AGBL3: variants seen among roughly 807,000 people sequenced by gnomAD.
The protein encoded by AGBL3 is AGBL carboxypeptidase 3, also known as cytosolic carboxypeptidase 3.
AGBL3 carries 68 observed loss-of-function variants against 94.5 expected under a neutral mutation model. The observed-to-expected ratio is 0.72, with a 90% confidence interval of 0.59 to 0.88. AGBL3 has a LOEUF of 0.88. AGBL3 is among the 40% of genes least tolerant of loss of function. The pLI is 0.00. For synonymous variants in AGBL3, 354 were observed against 370.7 expected (o/e 0.95, Z 0.52); for missense variants, 934 against 1,103.8 (o/e 0.85, Z 2.18).
At position 135,034,277 on chromosome 7, in the gene AGBL3, C is replaced by T. The variant is rs1171931494; in HGVS notation, c.686C>T (p.Thr229Ile). The T allele has an allele frequency of 6.4e-7, 1 of 1,551,648 alleles. No individual in the cohort carries two copies. Among genetic ancestry groups the T allele is most frequent in the Non-Finnish European group, 8.7e-7 (1 of 1,147,016 alleles). The change falls in exon 7 of 17, where the codon ACC (threonine) becomes ATC (isoleucine). Residue 229 changes from threonine to isoleucine, a missense_variant. This residue lies in a region of AGBL3 where 488 missense variants were observed against 563.6 expected (regional missense o/e 0.87). Transcript: ENST00000436302. ...TACAGATTCACTATTGTCAACTTCA[C>T]CAAACCTGCTAGTCTTTACAGTCGG... ...IVYRFTIVNF[T>I]KPASLYSRGM... is the part of the protein sequence containing the mutation.
intron 8 of AGBL3, among the ~76,000 whole-genome samples, chr7:135,043,579 AG>A (rs1383101654): frequency 6.6e-6 from 1 of 152,134 alleles, no homozygotes; most frequent in African/African-American, 2.4e-5. Context: ...AAAAAGTAAA[AG>A]TATAATTGGG....
intron 16 of AGBL3, chr7:135,128,506 G>A (rs1828272091): frequency 1.3e-6 from 1 of 759,196 alleles, no homozygotes; most frequent in African/African-American, 1.7e-5. Context: ...TTACGATGGA[G>A]ATGAATTTAG....
intron 15 of AGBL3, among the ~76,000 whole-genome samples, chr7:135,107,434 A>G (rs867316852): frequency 1.3e-5 from 2 of 152,342 alleles, no homozygotes; most frequent in Middle Eastern, 3.4e-3. Flanking sequence ...CATTAATTAA[A>G]AAGAGCTTCT....
At position 135,063,994 on chromosome 7, in the gene AGBL3, C is replaced by G. The variant is rs1819061008; in HGVS notation, c.1908+4759C>G. ...TTCTTTCTTCACCTAGACCAGCAGC[C>G]AGCTAGGGCATATTTTGCTCATGGC... is the stretch of plus-strand genomic sequence containing the variant. On this transcript the variant is annotated intron_variant, in intron 12 of 16. Coordinates refer to ENST00000436302, the MANE Select transcript of AGBL3 (RefSeq NM_178563.4). Among the ~76,000 whole-genome samples the G allele has an allele frequency of 2.0e-5, 3 of 152,156 alleles. No individual in the cohort carries two copies. In the South Asian group the frequency reaches 6.2e-4, roughly 32 times the overall value.
At chr7:135,094,757 C>T (rs1183869807) in intron 15 of AGBL3, among the ~76,000 whole-genome samples, 1 of 152,106 alleles carries the variant, frequency 6.6e-6, no homozygotes, top group Non-Finnish European at 1.5e-5. Flanking sequence ...AGAGACCATA[C>T]CACCCAAGAG....
intron 11 of AGBL3, among the ~76,000 whole-genome samples, chr7:135,052,061 G>A (rs572715725): frequency 6.6e-6 from 1 of 151,920 alleles, no homozygotes; most frequent in Non-Finnish European, 1.5e-5. Flanking sequence ...ATATAACAGG[G>A]AACATTCAAA....
chr7:134,987,620 AT>A (rs1163858801), intron 1 of AGBL3, among the ~76,000 whole-genome samples: 1 of 152,188 alleles, frequency 6.6e-6, no homozygotes, highest in Non-Finnish European at 1.5e-5. Context: ...AATGTGAATG[AT>A]TTGGCTGTAT....
chr7:135,111,276 T>TCTTA (rs1825605298), intron 15 of AGBL3, among the ~76,000 whole-genome samples: 1 of 152,194 alleles, frequency 6.6e-6, no homozygotes, highest in African/African-American at 2.4e-5. Context: ...ATTACTGCCG[T>TCTTA]CTTACTCACC....
At chr7:135,132,126 T>G (rs1263498282) in intron 16 of AGBL3, among the ~76,000 whole-genome samples, 1 of 152,200 alleles carries the variant, frequency 6.6e-6, no homozygotes, top group East Asian at 1.9e-4. Flanking sequence ...TCTATACAAT[T>G]TCTTCCAGAA....
At chr7:135,030,949 C>A (rs1815673615) in intron 5 of AGBL3, among the ~76,000 whole-genome samples, 1 of 151,976 alleles carries the variant, frequency 6.6e-6, no homozygotes. Flanking sequence ...ATCTTCAGCC[C>A]ATTTGGTAAA....
intron 15 of AGBL3, among the ~76,000 whole-genome samples, chr7:135,108,196 GCATTTAGCCC>G (rs1390564857): frequency 6.6e-6 from 1 of 152,054 alleles, no homozygotes; most frequent in Non-Finnish European, 1.5e-5. Context: ...TTAAATGGGG[GCATTTAGCCC>G]ATTTACATTC....
At chr7:135,057,107 T>C (rs1818408726) in intron 11 of AGBL3, among the ~76,000 whole-genome samples, 1 of 152,076 alleles carries the variant, frequency 6.6e-6, no homozygotes, top group Admixed American at 6.6e-5. Context: ...ACAAATATAG[T>C]CAATGGTGTT....
chr7:135,131,321 G>C (rs1489631886), intron 16 of AGBL3, among the ~76,000 whole-genome samples: 1 of 151,988 alleles, frequency 6.6e-6, no homozygotes, highest in African/African-American at 2.4e-5. Flanking sequence ...TGCGGGGTGA[G>C]GGGTGAGGGG....
intron 4 of AGBL3, 137 bp from the exon 5 acceptor site, chr7:135,016,915 C>G (rs1054503906): frequency 9.4e-6 from 6 of 635,378 alleles, no homozygotes; most frequent in Middle Eastern, 3.2e-4. Flanking sequence ...TCCAATGAAC[C>G]CTTAGTAAAA....
chr7:135,079,558 C>T lies in AGBL3; in HGVS notation c.1981-645C>T, dbSNP rs952235942. Among the ~76,000 whole-genome samples, 9 of 151,720 alleles carry T rather than the reference C, an allele frequency of 5.9e-5. No individual in the cohort carries two copies. The East Asian group carries it at 1.4e-3, about 23-fold the overall frequency. Reference sequence around the variant, plus strand: ...TCAGCTCACTGCAACCTCTGCCTCCCGGGTTTAAGCAATTCTCCTGCCTCA... The same window carrying T: ...TCAGCTCACTGCAACCTCTGCCTCCTGGGTTTAAGCAATTCTCCTGCCTCA... On this transcript the variant is annotated intron_variant, in intron 13 of 16. Transcript: ENST00000436302.
intron 4 of AGBL3, among the ~76,000 whole-genome samples, chr7:134,998,948 C>G (rs1363542709): frequency 6.6e-6 from 1 of 152,166 alleles, no homozygotes; most frequent in Non-Finnish European, 1.5e-5. Flanking sequence ...GGGACCCACT[C>G]TTGTCCCCCT....
In AGBL3 at chr7:135,082,889, C is replaced by G. The variant is rs905078818; in HGVS notation, c.2110+1099C>G. ...TGTATTTGACCTCTTGTCAAAGCTTCAGACCCTGTAGGTAACTATCTGCTA... is the reference window on the plus strand; with the variant it reads ...TGTATTTGACCTCTTGTCAAAGCTTGAGACCCTGTAGGTAACTATCTGCTA... On this transcript the variant is annotated intron_variant, in intron 15 of 16. Coordinates refer to ENST00000436302, the MANE Select transcript of AGBL3 (RefSeq NM_178563.4). Among the ~76,000 whole-genome samples the G allele has an allele frequency of 7.9e-5, 12 of 152,102 alleles. No homozygotes were observed. The East Asian group carries it at 2.3e-3, about 29-fold the overall frequency.
chr7:134,998,525 T>C (rs1185125493), intron 4 of AGBL3, among the ~76,000 whole-genome samples: 1 of 152,222 alleles, frequency 6.6e-6, no homozygotes, highest in East Asian at 1.9e-4. Context: ...TTGGAAGAGT[T>C]GTTAGGCTTA....
intron 5 of AGBL3, among the ~76,000 whole-genome samples, chr7:135,017,880 T>A (rs1813985782): frequency 6.6e-6 from 1 of 152,134 alleles, no homozygotes; most frequent in Admixed American, 6.5e-5. Context: ...TTTAAACAAA[T>A]GGAGAGGAAT....
Sources: allele counts gnomAD v4.1 joint callset (sites outside exome capture counted in the v4.1 genomes callset), GRCh38; gene constraint gnomAD v4.1.1; regional missense constraint gnomAD v4.1.1; transcripts MANE v1.5; gene names NCBI Gene and HGNC (gene_info 2026-07-23, HGNC 2026-07-21).